The following TCF12 variants were observed in gnomAD, a reference collection of about 807,000 sequenced individuals.
TCF12 encodes the protein transcription factor 12.
Under a neutral mutation model 86.0 loss-of-function variants are expected in TCF12, and 45 were observed. The observed-to-expected ratio is 0.52, with a 90% confidence interval of 0.41 to 0.67. TCF12 has a LOEUF of 0.67. Among genes scored for constraint, TCF12 ranks in the 30% least tolerant of loss-of-function variants. The pLI is 0.00. For synonymous variants in TCF12, 330 were observed against 299.6 expected, an observed-to-expected ratio of 1.10 and a Z score of -1.05; for missense variants, 881 against 859.9, an observed-to-expected ratio of 1.02 and a Z score of -0.31.
chr15:57,001,269 C>T lies in TCF12; in HGVS notation c.149-62481C>T, dbSNP rs191563778. 669 of 168,850 alleles carry T rather than the reference C, an allele frequency of 4.0e-3. 3 individuals carry two copies. The highest frequency in any genetic ancestry group is 6.5e-3 in the Non-Finnish European group (503 of 77,466). The allele number at this position is 168,850 out of a possible 1,614,324, so 10.5% of individuals were successfully genotyped here. ...ACCTCAAGTAATCCGCCCACCTCAG[C>T]CTCCTACAGTGCTGGGATTTCTAAT... On this transcript the variant is annotated intron_variant, in intron 3 of 20. Coordinates refer to ENST00000333725, the MANE Select transcript of TCF12 (RefSeq NM_207037.2).
chr15:57,210,565 C>G (rs995476213), intron 8 of TCF12, among the ~76,000 whole-genome samples: 1 of 152,094 alleles, frequency 6.6e-6, no homozygotes, highest in East Asian at 1.9e-4. Context: ...TAGATGAGAG[C>G]TAGGAAGTCA....
intron 3 of TCF12, among the ~76,000 whole-genome samples, chr15:57,055,598 G>A (rs2067960497): frequency 6.6e-6 from 1 of 151,912 alleles, no homozygotes; most frequent in Non-Finnish European, 1.5e-5. Context: ...CCAACCCCAA[G>A]CACTTTAAAG....
chr15:57,217,402 A>C (rs1412265839), intron 8 of TCF12, among the ~76,000 whole-genome samples: 2 of 152,268 alleles, frequency 1.3e-5, no homozygotes, highest in Admixed American at 1.3e-4. Context: ...ACTGGTGTTA[A>C]AATATTAAAA....
chr15:57,134,880 T>A (rs1395736732), intron 5 of TCF12, among the ~76,000 whole-genome samples: 1 of 141,308 alleles, frequency 7.1e-6, no homozygotes, highest in Admixed American at 6.9e-5. Flanking sequence ...AGTTTGAGGG[T>A]TTTTGTGTTT....
chr15:57,210,754 A>G (rs2058069448), intron 8 of TCF12, among the ~76,000 whole-genome samples: 2 of 152,340 alleles, frequency 1.3e-5, no homozygotes, highest in Admixed American at 6.5e-5. Flanking sequence ...GCGCACCTAT[A>G]AAGTTACTGT....
chr15:56,994,280 C>T (rs1226660071), intron 3 of TCF12, among the ~76,000 whole-genome samples: 1 of 151,950 alleles, frequency 6.6e-6, no homozygotes, highest in African/African-American at 2.4e-5. Flanking sequence ...AAACAAGAAC[C>T]AAAATTTCAT....
At chr15:56,986,804 G>T (rs1045575825) in intron 3 of TCF12, among the ~76,000 whole-genome samples, 1 of 152,148 alleles carries the variant, frequency 6.6e-6, no homozygotes, top group Non-Finnish European at 1.5e-5. Context: ...TGTAAGATGT[G>T]TTGTTAACCT....
intron 3 of TCF12, among the ~76,000 whole-genome samples, chr15:57,036,482 G>A (rs1387010918): frequency 6.6e-6 from 1 of 151,988 alleles, no homozygotes; most frequent in African/African-American, 2.4e-5. Context: ...AGCATATGAG[G>A]GTTCTAATTT....
chr15:57,252,931 T>C (rs1210327475), intron 15 of TCF12, among the ~76,000 whole-genome samples: 3 of 138,620 alleles, frequency 2.2e-5, no homozygotes, highest in Non-Finnish European at 4.5e-5. Flanking sequence ...GTTGTACTTT[T>C]TTTTTTTTTT....
At chr15:57,233,477 C>T (rs2059252860) in intron 11 of TCF12, among the ~76,000 whole-genome samples, 1 of 152,022 alleles carries the variant, frequency 6.6e-6, no homozygotes, top group Non-Finnish European at 1.5e-5. Flanking sequence ...CACACGTGGC[C>T]TCTTTTTTTA....
intron 3 of TCF12, among the ~76,000 whole-genome samples, chr15:56,996,610 C>T (rs577501493): frequency 1.3e-5 from 2 of 152,168 alleles, no homozygotes; most frequent in East Asian, 3.9e-4. Context: ...TCCTCAAAAG[C>T]AGTTGGCAAC....
At chr15:56,938,011 T>C (rs1473513507) in intron 3 of TCF12, among the ~76,000 whole-genome samples, 1 of 150,524 alleles carries the variant, frequency 6.6e-6, no homozygotes, top group Non-Finnish European at 1.5e-5. Flanking sequence ...GTCTGTAGTT[T>C]GCTTTTTTTT....
chr15:57,219,240 G>C, intron 8 of TCF12: 1 of 1,139,632 alleles, frequency 8.8e-7, no homozygotes, highest in Non-Finnish European at 1.1e-6. Context: ...TTTATTTAGC[G>C]CTTAAAAGTG....
At position 57,129,036 on chromosome 15, in the gene TCF12, G is replaced by T. The variant is rs541472400; in HGVS notation, c.325+37145G>T. On this transcript the variant is annotated intron_variant, in intron 5 of 20. Coordinates refer to ENST00000333725, the MANE Select transcript of TCF12 (RefSeq NM_207037.2). Reference sequence around the variant, plus strand: ...GTATGGACGTATTTTCAGTTCTCTTGGGTGTATACCTAGGAGTGGAGTTAC... The same window carrying T: ...GTATGGACGTATTTTCAGTTCTCTTTGGTGTATACCTAGGAGTGGAGTTAC... Among the ~76,000 whole-genome samples the T allele has an allele frequency of 7.2e-4, 110 of 152,220 alleles. 1 individual carries two copies. The highest frequency in any genetic ancestry group is 2.5e-3 in the African/African-American group (104 of 41,542).
intron 13 of TCF12, among the ~76,000 whole-genome samples, chr15:57,249,343 A>G (rs2060001906): frequency 6.6e-6 from 1 of 152,062 alleles, no homozygotes; most frequent in African/African-American, 2.4e-5. Context: ...TTGATTTATG[A>G]TTACATTTGT....
chr15:57,274,613 A>C (rs2061294840), intron 19 of TCF12, among the ~76,000 whole-genome samples: 1 of 151,986 alleles, frequency 6.6e-6, no homozygotes, highest in Admixed American at 6.6e-5. Flanking sequence ...TGTGTCTGAC[A>C]CCCTTTGTCT....
chr15:57,198,028 A>G (rs1229924138), intron 8 of TCF12, among the ~76,000 whole-genome samples: 1 of 152,128 alleles, frequency 6.6e-6, no homozygotes, highest in Non-Finnish European at 1.5e-5. Context: ...TTTGTAGCTT[A>G]CTCATATGCT....
intron 15 of TCF12, among the ~76,000 whole-genome samples, chr15:57,253,047 G>T (rs972279408): frequency 2.0e-5 from 3 of 150,566 alleles, no homozygotes; most frequent in Non-Finnish European, 4.4e-5. Flanking sequence ...TTATAAAGCA[G>T]TGATTTGTTT....
At chr15:56,937,831 T>C (rs1398337383) in intron 3 of TCF12, among the ~76,000 whole-genome samples, 1 of 152,120 alleles carries the variant, frequency 6.6e-6, no homozygotes, top group Non-Finnish European at 1.5e-5. Context: ...TGTTTTTAGG[T>C]CTGTTTGTGT....
Sources: allele counts gnomAD v4.1 joint callset (sites outside exome capture counted in the v4.1 genomes callset), GRCh38; gene constraint gnomAD v4.1.1; transcripts MANE v1.5; gene names NCBI Gene and HGNC (gene_info 2026-07-23, HGNC 2026-07-21).